Variants in CSNK1G1 observed in about 807,000 individuals in gnomAD.
CSNK1G1 encodes casein kinase 1 gamma 1.
CSNK1G1 carries 22 observed loss-of-function variants against 59.6 expected under a neutral mutation model. The ratio of observed to expected loss-of-function variants is 0.37; its 90% CI spans 0.26 to 0.53. The LOEUF (loss-of-function observed/expected upper bound fraction) is 0.53, where lower values mean the gene tolerates loss of function less well. Among genes scored for constraint, CSNK1G1 ranks in the 20% least tolerant of loss-of-function variants. The probability of loss-of-function intolerance (pLI) is 0.89; values close to 1 mark genes in which losing one functional copy is unlikely to be tolerated. For synonymous variants in CSNK1G1, 179 were observed against 177.1 expected (o/e 1.01, Z -0.08); for missense variants, 384 against 519.5 (o/e 0.74, Z 2.54).
chr15:64,175,848 T>C (rs1428348407), intron 11 of CSNK1G1, among the ~76,000 whole-genome samples: 2 of 152,302 alleles, frequency 1.3e-5, no homozygotes, highest in East Asian at 1.9e-4. Flanking sequence ...CATTGCAGAA[T>C]GTGAGATTAT....
At chr15:64,201,869 C>T (rs1213257299) in intron 10 of CSNK1G1, among the ~76,000 whole-genome samples, 1 of 151,830 alleles carries the variant, frequency 6.6e-6, no homozygotes, top group Non-Finnish European at 1.5e-5. Flanking sequence ...AGGAAATAAG[C>T]TAATTTGATA....
chr15:64,253,808 G>C (rs144219418), intron 3 of CSNK1G1, among the ~76,000 whole-genome samples: 1 of 152,176 alleles, frequency 6.6e-6, no homozygotes, highest in African/African-American at 2.4e-5. Flanking sequence ...AAATAAGCCA[G>C]TTACAACGGA....
rs571511991 is a variant in CSNK1G1 at position 64,348,102 on chromosome 15, T to C, written c.-225+7886A>G. Among the ~76,000 whole-genome samples, 4 of 151,922 alleles carry C rather than the reference T, an allele frequency of 2.6e-5. No individual in the cohort carries two copies. The South Asian group carries it at 8.3e-4, about 32-fold the overall frequency. On this transcript the variant is annotated intron_variant, in intron 1 of 11. Transcript: ENST00000303052. Reference sequence around the variant, plus strand: ...TCTATGTTATATGATTCTAACTATATGACATTTTGGAAAAGGCAATACTAT... The same window carrying C: ...TCTATGTTATATGATTCTAACTATACGACATTTTGGAAAAGGCAATACTAT...
chr15:64,212,110 C>T (rs568763711), intron 6 of CSNK1G1, among the ~76,000 whole-genome samples: 1 of 152,230 alleles, frequency 6.6e-6, no homozygotes, highest in East Asian at 1.9e-4. Context: ...TCAAAATATC[C>T]CTGTGAAGCA....
chr15:64,262,817 G>A (rs543275280), intron 2 of CSNK1G1, among the ~76,000 whole-genome samples: 10 of 152,252 alleles, frequency 6.6e-5, no homozygotes, highest in Admixed American at 1.3e-4. Context: ...AATGGCTCAC[G>A]CCTGTAATCC....
chr15:64,229,939 T>TTTAAA (rs768405168), intron 4 of CSNK1G1, among the ~76,000 whole-genome samples: 1 of 121,504 alleles, frequency 8.2e-6, no homozygotes, highest in Non-Finnish European at 1.7e-5. Context: ...TTTTTTTTTT[T>TTTAAA]AAGACAGAAT....
chr15:64,174,522 C>G (rs1419729389), intron 11 of CSNK1G1, among the ~76,000 whole-genome samples: 1 of 152,246 alleles, frequency 6.6e-6, no homozygotes, highest in Non-Finnish European at 1.5e-5. Flanking sequence ...GATTGACTTT[C>G]AGATGTGTTC....
rs147812051 is a variant in CSNK1G1 at position 64,214,165 on chromosome 15, T to C, written c.445-41A>G. 3.0e-4 allele frequency: 427 copies of C among 1,417,596 alleles called. 1 individual carries two copies. In the African/African-American group the frequency reaches 5.6e-3, roughly 19 times the overall value. The allele number at this position is 1,417,596 out of a possible 1,614,324, so 87.8% of individuals were successfully genotyped here. A position where few individuals can be genotyped will look rare whatever the true frequency, so the allele number is the denominator to read the frequency against. On this transcript the variant is annotated intron_variant, in intron 5 of 11. Coordinates refer to ENST00000303052, the MANE Select transcript of CSNK1G1 (RefSeq NM_022048.5). This position sits in a 1 kb window ranked among gnomAD's most constrained non-coding sequence, Gnocchi z 4.3. The stretch of plus-strand genomic sequence containing the variant: ...ATGATAGAAAGACTGTAAAGAAGTA[T>C]ATCAGGAAAATACATCAAAACAGTT...
At position 64,168,419 on chromosome 15, in the gene CSNK1G1, A is replaced by C. The variant is rs902453182; in HGVS notation, c.*3512T>G. 6.6e-6 allele frequency: 1 copy of C among 152,310 alleles called. No homozygotes were observed. 9.4% of individuals were successfully genotyped at this position (152,310 alleles called of 1,614,324 possible). On this transcript the variant is annotated 3_prime_UTR_variant, in exon 12 of 12. Coordinates refer to ENST00000303052, the MANE Select transcript of CSNK1G1 (RefSeq NM_022048.5). Reference sequence around the variant, plus strand: ...CTCTTACTGCAGAGACACAAGTGATACCCTGGTCAAAAGGGAGTAGGGGGG... The same window carrying C: ...CTCTTACTGCAGAGACACAAGTGATCCCCTGGTCAAAAGGGAGTAGGGGGG...
chr15:64,253,572 T>C (rs1892203641), intron 3 of CSNK1G1, among the ~76,000 whole-genome samples: 3 of 152,188 alleles, frequency 2.0e-5, no homozygotes, highest in Admixed American at 2.0e-4. Context: ...TCTGGATAGA[T>C]GCTCCAAAGA....
chr15:64,311,677 GAA>G (rs11371950), intron 1 of CSNK1G1, among the ~76,000 whole-genome samples: 73,968 of 108,076 alleles, frequency 0.68, 26,003 homozygotes, highest in East Asian at 0.87. Flanking sequence ...TAAAAAAAGT[GAA>G]AAAAAAAAAA....
chr15:64,166,082 T>TA lies in CSNK1G1; in HGVS notation c.*5848dup, dbSNP rs74417649. On this transcript the variant is annotated 3_prime_UTR_variant, in exon 12 of 12. Coordinates refer to ENST00000303052, the MANE Select transcript of CSNK1G1 (RefSeq NM_022048.5). The surrounding 1 kb of genome is among the most constrained non-coding windows in gnomAD (Gnocchi z 4.5). ...CAGGGTTTATGAAACATTATACATC[T>TA]AAAAAAAAAAAAAGTAAAAAAAGAG... is the stretch of plus-strand genomic sequence containing the variant. 16,911 of 514,298 alleles carry TA rather than the reference T, an allele frequency of 0.033. 1 individual carries two copies. The highest frequency in any genetic ancestry group is 0.045 in the South Asian group (1,920 of 42,704). The allele number at this position is 514,298 out of a possible 1,614,324, so 31.9% of individuals were successfully genotyped here.
At chr15:64,273,569 G>T (rs924109547) in intron 2 of CSNK1G1, among the ~76,000 whole-genome samples, 1 of 151,972 alleles carries the variant, frequency 6.6e-6, no homozygotes, top group African/African-American at 2.4e-5. Flanking sequence ...GTATTTTGAA[G>T]GAAAACCTAA....
chr15:64,212,112 T>C (rs557400954), intron 6 of CSNK1G1, among the ~76,000 whole-genome samples: 1 of 152,356 alleles, frequency 6.6e-6, no homozygotes, highest in Admixed American at 6.5e-5. Context: ...AAAATATCCC[T>C]GTGAAGCATT....
intron 1 of CSNK1G1, among the ~76,000 whole-genome samples, chr15:64,343,906 C>T (rs1452501390): frequency 2.0e-5 from 3 of 151,530 alleles, no homozygotes; most frequent in Admixed American, 6.6e-5. Context: ...TATTTTTTGG[C>T]GTATTATTTT....
chr15:64,340,730 G>C (rs1897641215), intron 1 of CSNK1G1, among the ~76,000 whole-genome samples: 1 of 152,160 alleles, frequency 6.6e-6, no homozygotes, highest in Admixed American at 6.5e-5. Flanking sequence ...GAGGCCAGAG[G>C]ATCACTTGAG....
At chr15:64,177,145 A>G (rs2081750470) in intron 11 of CSNK1G1, among the ~76,000 whole-genome samples, 1 of 152,110 alleles carries the variant, frequency 6.6e-6, no homozygotes, top group Non-Finnish European at 1.5e-5. Context: ...ATTTCTTTCC[A>G]CCTTTACACT....
intron 1 of CSNK1G1, among the ~76,000 whole-genome samples, chr15:64,323,071 C>CATA (rs1408269802): frequency 6.6e-6 from 1 of 151,922 alleles, no homozygotes; most frequent in Non-Finnish European, 1.5e-5. Context: ...TACAGGCTCA[C>CATA]GCCACTATGC....
intron 6 of CSNK1G1, among the ~76,000 whole-genome samples, chr15:64,213,092 T>A (rs1239756103): frequency 6.6e-6 from 1 of 152,168 alleles, no homozygotes; most frequent in Non-Finnish European, 1.5e-5. Context: ...TGCCTAGGAG[T>A]ATGGAATCTG....
Sources: gnomAD v4.1 joint callset for allele counts (sites outside exome capture counted in the v4.1 genomes callset) on GRCh38, gnomAD v4.1.1 for gene constraint, Gnocchi (gnomAD v3.1) non-coding constraint, MANE v1.5 for transcripts, NCBI Gene and HGNC (gene_info 2026-07-23, HGNC 2026-07-21) for gene names.